BAHCC1: variants seen among roughly 807,000 people sequenced by gnomAD.
BAHCC1 encodes BAH and coiled-coil domain-containing protein 1.
In BAHCC1, 43 loss-of-function variants were observed where a neutral mutation model predicts 88.2. The observed-to-expected ratio is 0.49, with a 90% CI of 0.38 to 0.63. The LOEUF (loss-of-function observed/expected upper bound fraction) is 0.63. BAHCC1 is among the 20% of genes least tolerant of loss of function. The probability of loss-of-function intolerance (pLI) is 0.00; values close to 1 mark genes in which losing one functional copy is unlikely to be tolerated. For missense variants in BAHCC1, 3,023 were observed against 1,654.8 expected (o/e 1.83, Z -14.34); for synonymous variants, 1,510 against 745.5 (o/e 2.03, Z -16.71).
chr17:81,409,866 G>A (rs2063927492), intron 2 of BAHCC1, among the ~76,000 whole-genome samples: 1 of 152,216 alleles, frequency 6.6e-6, no homozygotes, highest in African/African-American at 2.4e-5. Flanking sequence ...CGCTGCCTCA[G>A]GCCCTTCACA....
chr17:81,412,508 A>T (rs1460761026), intron 2 of BAHCC1, among the ~76,000 whole-genome samples: 5 of 152,364 alleles, frequency 3.3e-5, no homozygotes, highest in Non-Finnish European at 7.3e-5. Context: ...GGAGGGCCTC[A>T]GGTGGGAGGC....
intron 2 of BAHCC1, among the ~76,000 whole-genome samples, chr17:81,408,716 C>G (rs1283542682): frequency 6.6e-6 from 1 of 152,230 alleles, no homozygotes; most frequent in Non-Finnish European, 1.5e-5. Context: ...CCTCCCAGCC[C>G]TGACCACCCA....
At chr17:81,397,755 T>C (rs1172717218) in intron 1 of BAHCC1, among the ~76,000 whole-genome samples, 2 of 152,134 alleles carry the variant, frequency 1.3e-5, no homozygotes, top group African/African-American at 2.4e-5. Flanking sequence ...GCCGAGCTAT[T>C]TGTTAGACCC....
Position 81,399,798 on chromosome 17 carries a change from G to A in BAHCC1, c.59G>A (p.Gly20Asp). 1 of 1,273,168 alleles carries A rather than the reference G, an allele frequency of 7.9e-7. No homozygotes were observed. Among genetic ancestry groups the A allele is most frequent in the Non-Finnish European group, 9.9e-7 (1 of 1,011,650 alleles). 78.9% of individuals were successfully genotyped at this position (1,273,168 alleles called of 1,614,324 possible). ...CTGCTGTCGGAGCGCGGGAGCCTGG[G>A]CCACCGCAGCGCCGCTGCCGCCGCG... is the stretch of plus-strand genomic sequence containing the variant. ...PHLLSERGSL[G>D]HRSAAAAARL... Residue 20 changes from glycine (G) to aspartate (D), a missense_variant, in exon 2 of 28, where the codon GGC (glycine) becomes GAC (aspartate). Gly to Asp is a moderately conservative substitution (Grantham distance 94, BLOSUM62 -1). Coordinates refer to ENST00000675386, the MANE Select transcript of BAHCC1 (RefSeq NM_001377448.1). This position sits in a 1 kb window ranked among gnomAD's most constrained non-coding sequence, Gnocchi z 4.5.
Position 81,451,773 on chromosome 17 carries a change from C to G in BAHCC1, c.4082C>G (p.Ala1361Gly). ...AAGLDSSTAPAQPPTANPCSG... is the reference protein window; with the variant it reads ...AAGLDSSTAPGQPPTANPCSG... ...GGCCTGGACAGCTCCACTGCCCCAG[C>G]GCAGCCGCCCACAGCCAACCCCTGC... The change falls in exon 12 of 28, where the codon GCG (alanine) becomes GGG (glycine). Residue 1361 changes from alanine to glycine, a missense_variant. Ala to Gly is a moderately conservative substitution (Grantham distance 60). Transcript: ENST00000675386. 1.3e-6 allele frequency: 1 copy of G among 768,888 alleles called. No individual in the cohort carries two copies. Among genetic ancestry groups the G allele is most frequent in the Non-Finnish European group, 2.4e-6 (1 of 416,616 alleles). 47.6% of individuals were successfully genotyped at this position (768,888 alleles called of 1,614,324 possible). A position where few individuals can be genotyped will look rare whatever the true frequency, so the allele number is the denominator to read the frequency against.
Position 81,447,314 on chromosome 17 carries a change from C to A in BAHCC1, c.3442C>A (p.Pro1148Thr), listed in dbSNP as rs1555654769. The change falls in exon 11 of 28, where the codon CCC (proline) becomes ACC (threonine). Residue 1148 changes from proline (P) to threonine (T), a missense_variant. By Grantham distance (38) the Pro-to-Thr change is conservative. Coordinates refer to ENST00000675386, the MANE Select transcript of BAHCC1 (RefSeq NM_001377448.1). ...ERGPQGKAAD[P>T]SPLEGLQELQ... ...GGGACCCCAGGGGAAGGCAGCGGAC[C>A]CCAGCCCACTAGAGGGGCTACAAGA... 1.3e-6 allele frequency: 1 copy of A among 743,308 alleles called. No individual in the cohort carries two copies. The highest frequency in any genetic ancestry group is 2.5e-5 in the East Asian group (1 of 40,212). The allele number at this position is 743,308 out of a possible 1,614,324, so 46.0% of individuals were successfully genotyped here.
At position 81,447,136 on chromosome 17, in the gene BAHCC1, C is replaced by T. The variant is rs2064544375; in HGVS notation, c.3264C>T (p.Thr1088=). The T allele has an allele frequency of 1.3e-6, 1 of 778,904 alleles. No individual in the cohort carries two copies. The highest frequency in any genetic ancestry group is 1.7e-5 in the Admixed American group (1 of 58,964). 48.2% of individuals were successfully genotyped at this position (778,904 alleles called of 1,614,324 possible). The part of the protein sequence containing the change: ...SNLEDPETMQ[T]TAPGAQPEPT... ...TCGAGGACCCTGAAACTATGCAAAC[C>T]ACCGCCCCGGGGGCCCAGCCTGAGC... The change falls in exon 11 of 28, where the codon ACC becomes ACT. Residue 1088 remains threonine, a synonymous_variant. Coordinates refer to ENST00000675386, the MANE Select transcript of BAHCC1 (RefSeq NM_001377448.1).
At position 81,442,785 on chromosome 17, in the gene BAHCC1, C is replaced by T. The variant is rs1181730033; in HGVS notation, c.1436C>T (p.Ser479Phe). 5 of 779,442 alleles carry T rather than the reference C, an allele frequency of 6.4e-6. No individual in the cohort carries two copies. The highest frequency in any genetic ancestry group is 1.2e-5 in the Non-Finnish European group (5 of 417,914). 48.3% of individuals were successfully genotyped at this position (779,442 alleles called of 1,614,324 possible). The change falls in exon 5 of 28, where the codon TCC becomes TTC. Residue 479 changes from serine (S) to phenylalanine (F), a missense_variant. Physicochemically the swap from Ser to Phe is radical, Grantham distance 155. Transcript: ENST00000675386. ...DYLSSAGPEA[S>F]FPGLPKSGLD... is the part of the protein sequence containing the mutation. ...CTCAGCAGCGCAGGCCCCGAGGCCT[C>T]CTTCCCCGGACTCCCTAAAAGCGGT...
chr17:81,463,534 G>T (rs1400752410), intron 27 of BAHCC1, 77 bp from the exon 28 acceptor site: 8 of 756,812 alleles, frequency 1.1e-5, no homozygotes, highest in Non-Finnish European at 2.0e-5. Flanking sequence ...GCATGGGTGG[G>T]CGGGTGGTCT....
In BAHCC1 at chr17:81,460,362, C is replaced by T. The variant is rs782518484; in HGVS notation, c.5991C>T (p.Asn1997=). The T allele has an allele frequency of 5.8e-5, 45 of 772,870 alleles. 1 individual carries two copies. Among genetic ancestry groups the T allele is most frequent in the East Asian group, 3.7e-4 (15 of 40,874 alleles). The allele number at this position is 772,870 out of a possible 1,614,324, so 47.9% of individuals were successfully genotyped here. The change falls in exon 24 of 28, where the codon AAC becomes AAT. Residue 1997 remains asparagine (N), a synonymous_variant. Transcript: ENST00000675386. ...DGDTGHIAVS[N]VRLLPPDFKI... ...ATACAGGCCACATCGCCGTCTCCAA[C>T]GTCAGGCTGCTGCCCCCTGACTTCA... is the stretch of plus-strand genomic sequence containing the variant.
rs1051409698 is a variant in BAHCC1, at chr17:81,411,709, A to G, written c.178+11792A>G. ...GCTCCCCTTCCACTCTGCCCAGCCCACCCTGCCAGGGAGGCCTCAGCATAG... is the reference window on the plus strand; with the variant it reads ...GCTCCCCTTCCACTCTGCCCAGCCCGCCCTGCCAGGGAGGCCTCAGCATAG... On this transcript the variant is annotated intron_variant, in intron 2 of 27. Coordinates refer to ENST00000675386, the MANE Select transcript of BAHCC1 (RefSeq NM_001377448.1). The surrounding 1 kb of genome is among the most constrained non-coding windows in gnomAD (Gnocchi z 6.2). 20 of 298,174 alleles carry G rather than the reference A, an allele frequency of 6.7e-5. No homozygotes were observed. The highest frequency in any genetic ancestry group is 1.3e-4 in the South Asian group (5 of 37,386). 18.5% of individuals were successfully genotyped at this position (298,174 alleles called of 1,614,324 possible).
intron 10 of BAHCC1, among the ~76,000 whole-genome samples, chr17:81,446,366 G>A (rs1334382640): frequency 4.0e-5 from 6 of 150,774 alleles, no homozygotes; most frequent in Admixed American, 2.6e-4. Context: ...CCTGATTAAA[G>A]CATCATGTTT....
chr17:81,438,950 C>T (rs1418553835), intron 4 of BAHCC1, among the ~76,000 whole-genome samples: 1 of 152,128 alleles, frequency 6.6e-6, no homozygotes, highest in Admixed American at 6.5e-5. Flanking sequence ...ACCTGGGCTG[C>T]ACGAGGCCCA....
chr17:81,406,483 T>C (rs2143223386), intron 2 of BAHCC1, among the ~76,000 whole-genome samples: 1 of 152,112 alleles, frequency 6.6e-6, no homozygotes, highest in South Asian at 2.1e-4. Flanking sequence ...AAAAAAAACA[T>C]CAGAGCCAGC....
chr17:81,446,091 TG>T (rs1230067346), intron 10 of BAHCC1, among the ~76,000 whole-genome samples: 14 of 148,836 alleles, frequency 9.4e-5, no homozygotes, highest in African/African-American at 3.0e-4. Flanking sequence ...GGTGCCTGGG[TG>T]GGGGGGTCTC....
intron 3 of BAHCC1, among the ~76,000 whole-genome samples, chr17:81,431,010 TGG>T (rs2064254507): frequency 1.6e-5 from 1 of 62,984 alleles, no homozygotes; most frequent in South Asian, 5.5e-4. Flanking sequence ...GGGGACAGCG[TGG>T]GGGTCTCGGC....
intron 2 of BAHCC1, among the ~76,000 whole-genome samples, chr17:81,418,953 T>C (rs2064078786): frequency 6.6e-6 from 1 of 152,106 alleles, no homozygotes; most frequent in South Asian, 2.1e-4. Flanking sequence ...GTCCCTCCCC[T>C]GCCTCTGTGC....
In BAHCC1 at chr17:81,458,902, G is replaced by GGAGGAGGAC. The variant is rs782057700; in HGVS notation, c.5547_5555dup (p.Asp1849_Glu1851dup). On this transcript the variant is annotated inframe_insertion, in exon 20 of 28. Coordinates refer to ENST00000675386, the MANE Select transcript of BAHCC1 (RefSeq NM_001377448.1). Reference sequence around the variant, plus strand: ...ACGACAACAGCAGCTTCTCGGAAGAGGAGGAGGACGAGGAGGAAGAGGAGG... The same window carrying GGAGGAGGAC: ...ACGACAACAGCAGCTTCTCGGAAGAGGAGGAGGACGAGGAGGACGAGGAGGAAGAGGAGG... 1.3e-6 allele frequency: 1 copy of GGAGGAGGAC among 773,506 alleles called. No homozygotes were observed. The highest frequency in any genetic ancestry group is 1.3e-5 in the South Asian group (1 of 74,198). 47.9% of individuals were successfully genotyped at this position (773,506 alleles called of 1,614,324 possible). A position where few individuals can be genotyped will look rare whatever the true frequency, so the allele number is the denominator to read the frequency against.
At chr17:81,438,673 G>A (rs1444120771) in intron 4 of BAHCC1, among the ~76,000 whole-genome samples, 181 bp downstream of exon 4, 1 of 152,106 alleles carries the variant, frequency 6.6e-6, no homozygotes, top group African/African-American at 2.4e-5. Context: ...AAACCCAGGG[G>A]CCCAGGACCA....
Sources: gnomAD v4.1 joint callset for allele counts (sites outside exome capture counted in the v4.1 genomes callset) on GRCh38, gnomAD v4.1.1 for gene constraint, Gnocchi (gnomAD v3.1) non-coding constraint, MANE v1.5 for transcripts, NCBI Gene and HGNC (gene_info 2026-07-23, HGNC 2026-07-21) for gene names.